The following NOS1AP variants were observed in gnomAD, a reference collection of about 807,000 sequenced individuals.
The protein encoded by NOS1AP is nitric oxide synthase 1 adaptor protein, also known as carboxyl-terminal PDZ ligand of neuronal nitric oxide synthase protein.
NOS1AP carries 21 observed loss-of-function variants against 56.2 expected under a neutral mutation model. That is an observed-to-expected ratio of 0.37 (90% CI 0.26 to 0.54). The LOEUF is 0.54. Among genes scored for constraint, NOS1AP ranks in the 20% least tolerant of loss-of-function variants. The pLI, the probability that NOS1AP is intolerant of heterozygous loss-of-function variation, is 0.84. For synonymous variants in NOS1AP, 270 were observed against 274.6 expected (o/e 0.98, Z 0.17); for missense variants, 522 against 657.8 (o/e 0.79, Z 2.26).
At chr1:162,111,916 C>T (rs1432796723) in intron 1 of NOS1AP, among the ~76,000 whole-genome samples, 1 of 152,154 alleles carries the variant, frequency 6.6e-6, no homozygotes, top group East Asian at 1.9e-4. Context: ...GGCCTCATTG[C>T]CAGGGTGGCA....
intron 2 of NOS1AP, among the ~76,000 whole-genome samples, chr1:162,274,437 A>G (rs751029223): frequency 6.6e-6 from 1 of 152,214 alleles, no homozygotes; most frequent in Non-Finnish European, 1.5e-5. Flanking sequence ...TCCCTCAGCA[A>G]CCTGCATGTG....
chr1:162,319,039 C>G (rs1656325220), intron 4 of NOS1AP, among the ~76,000 whole-genome samples: 1 of 152,188 alleles, frequency 6.6e-6, no homozygotes, highest in African/African-American at 2.4e-5. Context: ...TGCCTGGACT[C>G]AGGGTTGGTT....
intron 1 of NOS1AP, among the ~76,000 whole-genome samples, chr1:162,108,606 A>G (rs1214135680): frequency 6.6e-6 from 1 of 152,204 alleles, no homozygotes; most frequent in African/African-American, 2.4e-5. Context: ...TTATTTTGTA[A>G]TTCCTAGTTC....
intron 2 of NOS1AP, among the ~76,000 whole-genome samples, chr1:162,252,796 C>T (rs550366432): frequency 1.4e-4 from 21 of 152,212 alleles, no homozygotes; most frequent in African/African-American, 4.3e-4. Context: ...AGTTTCAATT[C>T]ATTAAAATAA....
At chr1:162,285,675 T>C (rs1655067236) in intron 2 of NOS1AP, among the ~76,000 whole-genome samples, 1 of 152,196 alleles carries the variant, frequency 6.6e-6, no homozygotes, top group Admixed American at 6.5e-5. Flanking sequence ...CCGTTTCCCC[T>C]TTACTCTTTA....
intron 2 of NOS1AP, among the ~76,000 whole-genome samples, chr1:162,160,931 G>C (rs912431882): frequency 6.6e-6 from 1 of 152,182 alleles, no homozygotes; most frequent in African/African-American, 2.4e-5. Flanking sequence ...CCTTCTGGAG[G>C]TTCTAGAGGA....
At chr1:162,076,062 T>C (rs1691760943) in intron 1 of NOS1AP, among the ~76,000 whole-genome samples, 1 of 152,226 alleles carries the variant, frequency 6.6e-6, no homozygotes, top group African/African-American at 2.4e-5. Context: ...CTAATCAGGC[T>C]TGACTCACTG....
intron 4 of NOS1AP, among the ~76,000 whole-genome samples, chr1:162,311,851 C>T (rs1470132014): frequency 2.8e-5 from 4 of 141,232 alleles, no homozygotes; most frequent in Non-Finnish European, 6.1e-5. Context: ...TTTGTTCTTG[C>T]GATAGTTTAC....
At chr1:162,102,768 G>A (rs951167530) in intron 1 of NOS1AP, among the ~76,000 whole-genome samples, 2 of 151,924 alleles carry the variant, frequency 1.3e-5, no homozygotes, top group Non-Finnish European at 2.9e-5. Flanking sequence ...ATTTCTGTAG[G>A]GTCAGGGGTG....
At position 162,200,656 on chromosome 1, in the gene NOS1AP, T is replaced by C. The variant is rs975767391; in HGVS notation, c.177+46180T>C. Among the ~76,000 whole-genome samples, 5 of 152,254 alleles carry C rather than the reference T, an allele frequency of 3.3e-5. No individual in the cohort carries two copies. In the East Asian group the frequency reaches 9.6e-4, roughly 29 times the overall value. On this transcript the variant is annotated intron_variant, in intron 2 of 9. Coordinates refer to ENST00000361897, the MANE Select transcript of NOS1AP (RefSeq NM_014697.3). ...GTGATATCACCCCTGAGGAATTCTT[T>C]GGAGAATATGGGAGGATGACTTTTG... is the stretch of plus-strand genomic sequence containing the variant.
At chr1:162,206,265 A>G (rs1214234022) in intron 2 of NOS1AP, among the ~76,000 whole-genome samples, 2 of 152,050 alleles carry the variant, frequency 1.3e-5, no homozygotes, top group Non-Finnish European at 2.9e-5. Flanking sequence ...TTAAAAAAAA[A>G]AAAGTAGCAA....
chr1:162,355,487 A>G (rs1189695495), intron 7 of NOS1AP, 134 bp downstream of exon 7: 3 of 1,087,414 alleles, frequency 2.8e-6, no homozygotes, highest in Non-Finnish European at 4.1e-6. Flanking sequence ...AGCGCACTTC[A>G]TTGCCTTTCA....
intron 2 of NOS1AP, among the ~76,000 whole-genome samples, chr1:162,279,333 C>T (rs1276491722): frequency 2.0e-5 from 3 of 152,202 alleles, no homozygotes; most frequent in African/African-American, 4.8e-5. Context: ...CCACTTGGAG[C>T]TCCCCTGAGT....
At chr1:162,085,952 G>C (rs748541879) in intron 1 of NOS1AP, among the ~76,000 whole-genome samples, 5 of 152,150 alleles carry the variant, frequency 3.3e-5, no homozygotes, top group Non-Finnish European at 7.4e-5. Flanking sequence ...CTGAGGGTCT[G>C]TCAAATCAAG....
chr1:162,216,994 T>C (rs1652592428), intron 2 of NOS1AP, among the ~76,000 whole-genome samples: 1 of 152,182 alleles, frequency 6.6e-6, no homozygotes, highest in Non-Finnish European at 1.5e-5. Context: ...TTATCGTTTA[T>C]AGAGGATTCA....
chr1:162,222,857 G>T (rs1487719502), intron 2 of NOS1AP, among the ~76,000 whole-genome samples: 3 of 152,216 alleles, frequency 2.0e-5, no homozygotes, highest in Non-Finnish European at 4.4e-5. Flanking sequence ...TGCATTCCTT[G>T]TGGGGTGAGG....
intron 1 of NOS1AP, among the ~76,000 whole-genome samples, chr1:162,097,092 A>G (rs1692261025): frequency 1.3e-5 from 2 of 150,946 alleles, no homozygotes; most frequent in African/African-American, 4.9e-5. Context: ...TGGTTTTGTT[A>G]TCCTTAACAG....
chr1:162,097,421 T>C (rs1440011536), intron 1 of NOS1AP, among the ~76,000 whole-genome samples: 3 of 152,198 alleles, frequency 2.0e-5, no homozygotes, highest in African/African-American at 7.2e-5. Flanking sequence ...ATATCTTTCC[T>C]TTTTATTTGT....
intron 1 of NOS1AP, among the ~76,000 whole-genome samples, chr1:162,139,074 T>C (rs1026950052): frequency 1.1e-4 from 16 of 152,238 alleles, no homozygotes; most frequent in African/African-American, 3.9e-4. Flanking sequence ...GGCAGAAGGC[T>C]CCCTTGTGGA....
Sources: gnomAD v4.1 joint callset for allele counts (sites outside exome capture counted in the v4.1 genomes callset) on GRCh38, gnomAD v4.1.1 for gene constraint, MANE v1.5 for transcripts, NCBI Gene and HGNC (gene_info 2026-07-23, HGNC 2026-07-21) for gene names.